The following MYLK4 variants were observed in gnomAD, a reference collection of about 807,000 sequenced individuals.
MYLK4 encodes myosin light chain kinase family member 4, also known as caMLCK like.
A neutral mutation model predicts 48.1 loss-of-function variants in MYLK4; 46 were observed. The observed-to-expected ratio is 0.96, with a 90% CI of 0.75 to 1.22. MYLK4 has a LOEUF of 1.22. Ranked by LOEUF, MYLK4 falls within the 50% of genes most tolerant of loss-of-function variation. The pLI is 0.00. For synonymous variants in MYLK4, 170 were observed against 180.8 expected (o/e 0.94, Z 0.48); for missense variants, 451 against 486.1 (o/e 0.93, Z 0.68).
intron 2 of MYLK4, among the ~76,000 whole-genome samples, chr6:2,699,781 G>A (rs1283598364): frequency 6.6e-6 from 1 of 152,182 alleles, no homozygotes; most frequent in African/African-American, 2.4e-5. Flanking sequence ...GAGGAGGTTT[G>A]AAAAGATCAG....
intron 3 of MYLK4, among the ~76,000 whole-genome samples, chr6:2,689,859 C>T (rs1761706384): frequency 6.6e-6 from 1 of 152,154 alleles, no homozygotes; most frequent in South Asian, 2.1e-4. Flanking sequence ...GGCACTCTGC[C>T]AAGTGTTAAT....
rs1400499343 is a variant in MYLK4 at position 2,680,287 on chromosome 6, T to C, written c.692A>G (p.Glu231Gly). The C allele has an allele frequency of 1.2e-6, 2 of 1,614,080 alleles. No homozygotes were observed. Among genetic ancestry groups the C allele is most frequent in the Non-Finnish European group, 1.7e-6 (2 of 1,180,022 alleles). ...MYILHLDLKP[E>G]NILCVNRDAK... The stretch of plus-strand genomic sequence containing the variant: ...ATCCCGATTCACACACAGGATATTC[T>C]CAGGCTGCCAGGAGAAAGAGACACA... The change falls in exon 8 of 13, where the codon GAG (glutamate) becomes GGG (glycine). Residue 231 changes from glutamate to glycine, a missense_variant. Coordinates refer to ENST00000274643, the MANE Select transcript of MYLK4 (RefSeq NM_001012418.5).
the MYLK4 span, among the ~76,000 whole-genome samples, chr6:2,758,786 T>C: frequency 1.8e-3 from 278 of 152,346 alleles, no homozygotes; most frequent in African/African-American, 6.4e-3. Flanking sequence ...TAACCCATCA[T>C]ATTGTTGTAT....
intron 2 of MYLK4, among the ~76,000 whole-genome samples, chr6:2,735,405 A>G (rs1426531739): frequency 1.3e-5 from 2 of 152,154 alleles, no homozygotes; most frequent in Non-Finnish European, 2.9e-5. Flanking sequence ...TACAAACGCT[A>G]TATTATTCCA....
chr6:2,740,431 G>A (rs983327046), intron 2 of MYLK4, among the ~76,000 whole-genome samples: 2 of 152,218 alleles, frequency 1.3e-5, no homozygotes, highest in Non-Finnish European at 2.9e-5. Context: ...GAAAATGCCA[G>A]GGGGATAGTC....
At chr6:2,762,817 G>A in the MYLK4 span, among the ~76,000 whole-genome samples, 14,135 of 152,224 alleles carry the variant, frequency 0.093, 804 homozygotes, top group Middle Eastern at 0.16. Flanking sequence ...ACCGTTAGAG[G>A]TCTTAGGTCA....
chr6:2,669,939 C>G (rs138019002), intron 12 of MYLK4, among the ~76,000 whole-genome samples: 4 of 152,196 alleles, frequency 2.6e-5, no homozygotes, highest in African/African-American at 9.7e-5. Context: ...TGATGTGTGG[C>G]CTTTACTATG....
chr6:2,768,453 G>T, the MYLK4 span, among the ~76,000 whole-genome samples: 1 of 152,228 alleles, frequency 6.6e-6, no homozygotes, highest in Non-Finnish European at 1.5e-5. Context: ...AGGGACAGAG[G>T]AGAAAAGGTC....
chr6:2,735,847 A>G (rs1479895736), intron 2 of MYLK4, among the ~76,000 whole-genome samples: 1 of 152,228 alleles, frequency 6.6e-6, no homozygotes, highest in Non-Finnish European at 1.5e-5. Context: ...AATGAAGCGG[A>G]ACAGAAATTA....
At chr6:2,748,927 C>T (rs959355531) in intron 2 of MYLK4, among the ~76,000 whole-genome samples, 17 of 152,328 alleles carry the variant, frequency 1.1e-4, no homozygotes, top group African/African-American at 4.1e-4. Flanking sequence ...AAAGTGAAGT[C>T]GACTGCTGGC....
chr6:2,733,066 T>C (rs4959716), intron 2 of MYLK4, among the ~76,000 whole-genome samples: 65,539 of 152,140 alleles, frequency 0.43, 14,868 homozygotes, highest in East Asian at 0.55. Flanking sequence ...AGAACAAAAA[T>C]GGTCTCAGCT....
At chr6:2,755,877 A>G (rs898999013), upstream of MYLK4, among the ~76,000 whole-genome samples, 2 of 152,212 alleles carry the variant, frequency 1.3e-5, no homozygotes, top group Non-Finnish European at 2.9e-5. Flanking sequence ...CTGAGCATGA[A>G]AACTACAGAA....
At chr6:2,718,895 T>C (rs17291915) in intron 2 of MYLK4, among the ~76,000 whole-genome samples, 11,025 of 152,324 alleles carry the variant, frequency 0.072, 544 homozygotes, top group Non-Finnish European at 0.11. Context: ...AGTCTGTGAA[T>C]GTTTTTCTTT....
chr6:2,683,256 C>A, intron 6 of MYLK4, 94 bp from the exon 7 acceptor site: 1 of 1,373,222 alleles, frequency 7.3e-7, no homozygotes, highest in African/African-American at 1.4e-5. Flanking sequence ...TCTGCTACCT[C>A]TTCTGAAAGG....
intron 3 of MYLK4, 83 bp downstream of exon 3, chr6:2,692,701 G>A: frequency 2.0e-6 from 2 of 1,010,832 alleles, no homozygotes; most frequent in Non-Finnish European, 2.8e-6. Context: ...CTTTATGAAT[G>A]TGCAACTTCC....
chr6:2,732,954 C>T (rs1242078968), intron 2 of MYLK4, among the ~76,000 whole-genome samples: 2 of 152,212 alleles, frequency 1.3e-5, no homozygotes, highest in Non-Finnish European at 2.9e-5. Flanking sequence ...AGCTAAATAA[C>T]ACTGGAGTTG....
At chr6:2,670,726 G>T (rs919612608) in intron 12 of MYLK4, among the ~76,000 whole-genome samples, 3 of 152,018 alleles carry the variant, frequency 2.0e-5, no homozygotes, top group African/African-American at 7.2e-5. Context: ...GTATTCTTTG[G>T]GCTCGTAGAG....
intron 2 of MYLK4, among the ~76,000 whole-genome samples, chr6:2,736,690 A>G (rs1240543699): frequency 6.6e-6 from 1 of 152,126 alleles, no homozygotes; most frequent in South Asian, 2.1e-4. Context: ...TTAAAAATAC[A>G]CTCTAACAGA....
chr6:2,749,172 AT>A lies in MYLK4; in HGVS notation c.122del (p.Asn41IlefsTer23), dbSNP rs745705002. The A allele has an allele frequency of 2.5e-6, 4 of 1,613,684 alleles. No individual in the cohort carries two copies. The highest frequency in any genetic ancestry group is 1.3e-5 in the African/African-American group (1 of 74,888). On this transcript the variant is annotated frameshift_variant, in exon 2 of 13. Coordinates refer to ENST00000274643, the MANE Select transcript of MYLK4 (RefSeq NM_001012418.5). LOFTEE classifies it high-confidence loss of function. ...VEKVKCFLEK[N>X]SGDQDSRSGH... Reference sequence around the variant, plus strand: ...CAGATCTTGAATCCTGGTCCCCAGAATTTTTTTCCAGAAAACACTTCACTTT... The same window carrying A: ...CAGATCTTGAATCCTGGTCCCCAGAATTTTTTCCAGAAAACACTTCACTTT...
Sources: gnomAD v4.1 joint callset for allele counts (sites outside exome capture counted in the v4.1 genomes callset) on GRCh38, gnomAD v4.1.1 for gene constraint, MANE v1.5 for transcripts, NCBI Gene and HGNC (gene_info 2026-07-23, HGNC 2026-07-21) for gene names.